VDAC1: variants seen among roughly 807,000 people sequenced by gnomAD.
VDAC1 encodes voltage dependent anion channel 1, also known as non-selective voltage-gated ion channel VDAC1.
Under a neutral mutation model 34.7 loss-of-function variants are expected in VDAC1, and 10 were observed. That is an observed-to-expected ratio of 0.29 (90% CI 0.18 to 0.49). The LOEUF is 0.49. VDAC1 is among the 20% of genes least tolerant of loss of function. VDAC1 has a pLI of 0.99. For synonymous variants in VDAC1, 130 were observed against 136.0 expected, an observed-to-expected ratio of 0.96 and a Z score of 0.30; for missense variants, 230 against 347.9, an observed-to-expected ratio of 0.66 and a Z score of 2.69.
the VDAC1 span, among the ~76,000 whole-genome samples, chr5:134,044,794 T>G: frequency 9.9e-5 from 15 of 152,184 alleles, no homozygotes. Flanking sequence ...AGCAAATATT[T>G]CTTGAGCTCC....
chr5:134,045,991 CTTTT>C, the VDAC1 span, among the ~76,000 whole-genome samples: 2,398 of 143,974 alleles, frequency 0.017, 62 homozygotes, highest in African/African-American at 0.056. Context: ...GGCAATTCTT[CTTTT>C]TTTTTTTTTC....
chr5:134,095,065 G>A, the VDAC1 span, among the ~76,000 whole-genome samples: 18 of 53,966 alleles, frequency 3.3e-4, no homozygotes, highest in Admixed American at 3.0e-3. Flanking sequence ...GCCAATAGAC[G>A]TGCCATGTAA....
the VDAC1 span, among the ~76,000 whole-genome samples, chr5:134,079,225 T>C: frequency 0.47 from 71,940 of 151,658 alleles, 17,400 homozygotes; most frequent in Non-Finnish European, 0.52. Flanking sequence ...GGGATCCTCC[T>C]GCCTCAGCCT....
chr5:134,070,725 A>G, the VDAC1 span, among the ~76,000 whole-genome samples: 4 of 152,158 alleles, frequency 2.6e-5, no homozygotes, highest in Admixed American at 1.3e-4. Context: ...ATTTTCCCCA[A>G]TGCTGTCTGG....
At chr5:134,067,482 A>C in the VDAC1 span, among the ~76,000 whole-genome samples, 1 of 148,734 alleles carries the variant, frequency 6.7e-6, no homozygotes, top group South Asian at 2.2e-4. Flanking sequence ...TACTTTTAGT[A>C]GTTGTCTTTA....
In VDAC1 at chr5:133,972,457, A is replaced by G. The variant is rs1451222201; in HGVS notation, c.*314T>C. Reference sequence around the variant, plus strand: ...AAATCACAATTTCATTCATTTACTCAATATGAATTTACAAAGTGCCTACAT... The same window carrying G: ...AAATCACAATTTCATTCATTTACTCGATATGAATTTACAAAGTGCCTACAT... On this transcript the variant is annotated 3_prime_UTR_variant, in exon 9 of 9. Coordinates refer to ENST00000265333, the MANE Select transcript of VDAC1 (RefSeq NM_003374.3). The G allele has an allele frequency of 4.5e-6, 2 of 443,470 alleles. No homozygotes were observed. The highest frequency in any genetic ancestry group is 7.9e-6 in the Non-Finnish European group (2 of 253,420). The allele number at this position is 443,470 out of a possible 1,614,324, so 27.5% of individuals were successfully genotyped here. A position where few individuals can be genotyped will look rare whatever the true frequency, so the allele number is the denominator to read the frequency against.
the VDAC1 span, among the ~76,000 whole-genome samples, chr5:134,036,661 A>AAG: frequency 6.6e-6 from 1 of 150,872 alleles, no homozygotes; most frequent in South Asian, 2.1e-4. Flanking sequence ...GTCTTTTTTA[A>AAG]AAAAAAAAAA....
the VDAC1 span, among the ~76,000 whole-genome samples, chr5:134,054,978 G>C: frequency 9.2e-5 from 14 of 152,328 alleles, no homozygotes; most frequent in African/African-American, 3.4e-4. Flanking sequence ...GTGTAACTCT[G>C]GTCGTTCCTT....
chr5:134,108,400 T>C, the VDAC1 span, among the ~76,000 whole-genome samples: 2 of 152,088 alleles, frequency 1.3e-5, no homozygotes, highest in African/African-American at 4.8e-5. Flanking sequence ...GAGAATCCAT[T>C]TGGGCAGGCG....
the VDAC1 span, among the ~76,000 whole-genome samples, chr5:134,022,437 G>A: frequency 6.6e-6 from 1 of 152,198 alleles, no homozygotes; most frequent in East Asian, 1.9e-4. Flanking sequence ...TCATCCCATA[G>A]TGGAAGAGTA....
the VDAC1 span, among the ~76,000 whole-genome samples, chr5:134,067,075 A>G: frequency 6.6e-6 from 1 of 151,544 alleles, no homozygotes; most frequent in East Asian, 1.9e-4. Flanking sequence ...GTTTTGATCA[A>G]AAGTTCTTTT....
At chr5:133,976,586 A>G (rs1240187352) in intron 6 of VDAC1, among the ~76,000 whole-genome samples, 1 of 151,912 alleles carries the variant, frequency 6.6e-6, no homozygotes, top group Non-Finnish European at 1.5e-5. Context: ...AGGCCGAGGC[A>G]GCAGGACTGC....
chr5:134,087,646 G>A, the VDAC1 span, among the ~76,000 whole-genome samples: 36 of 152,214 alleles, frequency 2.4e-4, no homozygotes, highest in South Asian at 1.5e-3. Flanking sequence ...CCTGAGGTCA[G>A]GAGTTCAAGA....
At chr5:134,051,354 C>T in the VDAC1 span, among the ~76,000 whole-genome samples, 2 of 152,226 alleles carry the variant, frequency 1.3e-5, no homozygotes, top group Non-Finnish European at 2.9e-5. Flanking sequence ...GAAGAAGGCG[C>T]CTTGGGATGC....
At chr5:134,103,355 C>T in the VDAC1 span, among the ~76,000 whole-genome samples, 83 of 152,234 alleles carry the variant, frequency 5.5e-4, no homozygotes, top group Middle Eastern at 3.4e-3. Flanking sequence ...CTCCTGGGCT[C>T]CAAGTGATCC....
At chr5:134,023,825 A>T in the VDAC1 span, among the ~76,000 whole-genome samples, 1 of 152,118 alleles carries the variant, frequency 6.6e-6, no homozygotes, top group Non-Finnish European at 1.5e-5. Context: ...CAAAGAGGTG[A>T]CTTATAAGCA....
chr5:134,094,303 T>C, the VDAC1 span, among the ~76,000 whole-genome samples: 3 of 152,240 alleles, frequency 2.0e-5, no homozygotes, highest in Non-Finnish European at 2.9e-5. Flanking sequence ...ATATCTGCCC[T>C]GCCTTGTCTG....
chr5:134,024,552 A>C, the VDAC1 span, among the ~76,000 whole-genome samples: 1 of 151,872 alleles, frequency 6.6e-6, no homozygotes, highest in South Asian at 2.1e-4. Flanking sequence ...AAAAAAAAAA[A>C]ACCTGGCTAA....
chr5:134,058,771 C>T, the VDAC1 span, among the ~76,000 whole-genome samples: 1 of 152,198 alleles, frequency 6.6e-6, no homozygotes, highest in Non-Finnish European at 1.5e-5. Context: ...CCTGAGCAAG[C>T]AGGGCCTTCC....
Sources: gnomAD v4.1 joint callset for allele counts (sites outside exome capture counted in the v4.1 genomes callset) on GRCh38, gnomAD v4.1.1 for gene constraint, MANE v1.5 for transcripts, NCBI Gene and HGNC (gene_info 2026-07-23, HGNC 2026-07-21) for gene names.